The following ARF6 variants were observed in gnomAD, a reference collection of about 807,000 sequenced individuals.
The protein encoded by ARF6 is ARF GTPase 6.
For synonymous variants in ARF6, 127 were observed against 95.5 expected, an observed-to-expected ratio of 1.33 and a Z score of -1.92; for missense variants, 75 against 232.0, an observed-to-expected ratio of 0.32 and a Z score of 4.40.
chr14:49,893,775 A>G lies in ARF6; in HGVS notation c.39A>G (p.Glu13=). The G allele has an allele frequency of 6.2e-7, 1 of 1,614,224 alleles. No individual in the cohort carries two copies. ...KVLSKIFGNK[E]MRILMLGLDA... The stretch of plus-strand genomic sequence containing the variant: ...TATCCAAAATCTTCGGGAACAAGGA[A>G]ATGCGGATCCTCATGTTGGGCCTGG... The change falls in exon 2 of 2, where the codon GAA becomes GAG. Residue 13 remains glutamate (E), a synonymous_variant. Transcript: ENST00000298316.
chr14:49,894,334 C>T lies in ARF6; in HGVS notation c.*70C>T. On this transcript the variant is annotated 3_prime_UTR_variant, in exon 2 of 2. Coordinates refer to ENST00000298316, the MANE Select transcript of ARF6 (RefSeq NM_001663.4). ...CCATTCATAGGATTATCGCCACCAT[C>T]ACCTCTTTCAATTGCCACTTTCTCT... The T allele has an allele frequency of 1.4e-6, 2 of 1,416,826 alleles. No individual in the cohort carries two copies. The highest frequency in any genetic ancestry group is 2.5e-5 in the East Asian group (1 of 40,158). The allele number at this position is 1,416,826 out of a possible 1,614,324, so 87.8% of individuals were successfully genotyped here. A position where few individuals can be genotyped will look rare whatever the true frequency, so the allele number is the denominator to read the frequency against.
At position 49,893,583 on chromosome 14, in the gene ARF6, C is replaced by G. The variant is rs1223461508; in HGVS notation, c.-154C>G. On this transcript the variant is annotated 5_prime_UTR_variant, in exon 2 of 2. Coordinates refer to ENST00000298316, the MANE Select transcript of ARF6 (RefSeq NM_001663.4). ...GGTGATGCCCGAGTGAGCGGGGGGC[C>G]TGGGCCTCTGCCCTTAGGAGGCAAC... is the stretch of plus-strand genomic sequence containing the variant. The G allele has an allele frequency of 7.0e-6, 6 of 859,500 alleles. No homozygotes were observed. Among genetic ancestry groups the G allele is most frequent in the Admixed American group, 5.6e-5 (2 of 35,760 alleles). 53.2% of individuals were successfully genotyped at this position (859,500 alleles called of 1,614,324 possible). A position where few individuals can be genotyped will look rare whatever the true frequency, so the allele number is the denominator to read the frequency against.
chr14:49,894,447 T>G lies in ARF6; in HGVS notation c.*183T>G. The G allele has an allele frequency of 2.0e-6, 1 of 497,548 alleles. No individual in the cohort carries two copies. The highest frequency in any genetic ancestry group is 3.5e-5 in the East Asian group (1 of 28,584). 30.8% of individuals were successfully genotyped at this position (497,548 alleles called of 1,614,324 possible). A position where few individuals can be genotyped will look rare whatever the true frequency, so the allele number is the denominator to read the frequency against. On this transcript the variant is annotated 3_prime_UTR_variant, in exon 2 of 2. Transcript: ENST00000298316. Reference sequence around the variant, plus strand: ...TTTCTCTTTTGTTTGTTTCCCTTTCTTTTTCCTTTTTTTTTTTTTTTTTTT... The same window carrying G: ...TTTCTCTTTTGTTTGTTTCCCTTTCGTTTTCCTTTTTTTTTTTTTTTTTTT...
rs1894516622 is a variant in ARF6 at position 49,895,809 on chromosome 14, A to C, written c.*1545A>C. 6.0e-6 allele frequency: 1 copy of C among 166,710 alleles called. No homozygotes were observed. 10.3% of individuals were successfully genotyped at this position (166,710 alleles called of 1,614,324 possible). A position where few individuals can be genotyped will look rare whatever the true frequency, so the allele number is the denominator to read the frequency against. On this transcript the variant is annotated 3_prime_UTR_variant, in exon 2 of 2. Coordinates refer to ENST00000298316, the MANE Select transcript of ARF6 (RefSeq NM_001663.4). ...ATGATAATATTTTGAACCAAATGTT[A>C]ATGCTTGATGCAGAATTGTAAAGCA... is the stretch of plus-strand genomic sequence containing the variant.
At position 49,894,396 on chromosome 14, in the gene ARF6, G is replaced by C; in HGVS notation, c.*132G>C. ...TGAACTCTGGAGTTACTGTTCTACAGTTTGGCGGGGACGGGGCTTGGGGGT... is the reference window on the plus strand; with the variant it reads ...TGAACTCTGGAGTTACTGTTCTACACTTTGGCGGGGACGGGGCTTGGGGGT... On this transcript the variant is annotated 3_prime_UTR_variant, in exon 2 of 2. Transcript: ENST00000298316. The C allele has an allele frequency of 1.1e-6, 1 of 900,442 alleles. No individual in the cohort carries two copies. The highest frequency in any genetic ancestry group is 1.7e-5 in the African/African-American group (1 of 58,292). 55.8% of individuals were successfully genotyped at this position (900,442 alleles called of 1,614,324 possible). A position where few individuals can be genotyped will look rare whatever the true frequency, so the allele number is the denominator to read the frequency against.
rs1894501865 is a variant in ARF6 at position 49,894,918 on chromosome 14, T to C, written c.*654T>C. On this transcript the variant is annotated 3_prime_UTR_variant, in exon 2 of 2. Coordinates refer to ENST00000298316, the MANE Select transcript of ARF6 (RefSeq NM_001663.4). ...AAATAATGAGTAATATTGTAATATG[T>C]TCCAGTTGCACCTCAGTATGTTAAA... The C allele has an allele frequency of 6.0e-6, 1 of 167,148 alleles. No homozygotes were observed. The highest frequency in any genetic ancestry group is 2.4e-5 in the African/African-American group (1 of 41,446). The allele number at this position is 167,148 out of a possible 1,614,324, so 10.4% of individuals were successfully genotyped here. A position where few individuals can be genotyped will look rare whatever the true frequency, so the allele number is the denominator to read the frequency against.
chr14:49,895,099 A>G lies in ARF6; in HGVS notation c.*835A>G, dbSNP rs888681549. The G allele has an allele frequency of 6.0e-6, 1 of 167,024 alleles. No individual in the cohort carries two copies. Among genetic ancestry groups the G allele is most frequent in the African/African-American group, 2.4e-5 (1 of 41,452 alleles). The allele number at this position is 167,024 out of a possible 1,614,324, so 10.3% of individuals were successfully genotyped here. On this transcript the variant is annotated 3_prime_UTR_variant, in exon 2 of 2. Transcript: ENST00000298316. ...CCCATGAAGGACACTTTTTCTTTCCACTGCAAAGTTAGCCACTTTGCTGTT... is the reference window on the plus strand; with the variant it reads ...CCCATGAAGGACACTTTTTCTTTCCGCTGCAAAGTTAGCCACTTTGCTGTT...
In ARF6 at chr14:49,895,628, A is replaced by G. The variant is rs772174902; in HGVS notation, c.*1364A>G. 3 of 167,000 alleles carry G rather than the reference A, an allele frequency of 1.8e-5. No homozygotes were observed. Among genetic ancestry groups the G allele is most frequent in the Non-Finnish European group, 1.5e-5 (1 of 68,088 alleles). 10.3% of individuals were successfully genotyped at this position (167,000 alleles called of 1,614,324 possible). On this transcript the variant is annotated 3_prime_UTR_variant, in exon 2 of 2. Coordinates refer to ENST00000298316, the MANE Select transcript of ARF6 (RefSeq NM_001663.4). ...TGTGTAGACTTGAGGGATGACTATTAAAGGGGACGTAGGATGAAGAGAAAG... is the reference window on the plus strand; with the variant it reads ...TGTGTAGACTTGAGGGATGACTATTGAAGGGGACGTAGGATGAAGAGAAAG...
Position 49,895,100 on chromosome 14 carries a change from C to T in ARF6, c.*836C>T, listed in dbSNP as rs1894504532. ...CCATGAAGGACACTTTTTCTTTCCA[C>T]TGCAAAGTTAGCCACTTTGCTGTTT... On this transcript the variant is annotated 3_prime_UTR_variant, in exon 2 of 2. Coordinates refer to ENST00000298316, the MANE Select transcript of ARF6 (RefSeq NM_001663.4). 6.0e-6 allele frequency: 1 copy of T among 167,064 alleles called. No homozygotes were observed. The highest frequency in any genetic ancestry group is 2.1e-4 in the South Asian group (1 of 4,828). 10.3% of individuals were successfully genotyped at this position (167,064 alleles called of 1,614,324 possible).
Position 49,893,894 on chromosome 14 carries a change from C to G in ARF6, c.158C>G (p.Thr53Ser). The change falls in exon 2 of 2, where the codon ACT (threonine) becomes AGT (serine). Residue 53 changes from threonine to serine, a missense_variant. Thr to Ser is a moderately conservative substitution (Grantham distance 58). Transcript: ENST00000298316. Reference protein sequence around the residue: ...PTVGFNVETVTYKNVKFNVWD... With the variant: ...PTVGFNVETVSYKNVKFNVWD... The stretch of plus-strand genomic sequence containing the variant: ...GTGGGTTTCAACGTGGAGACGGTGA[C>G]TTACAAAAATGTCAAGTTCAACGTA... The G allele has an allele frequency of 1.2e-6, 2 of 1,614,224 alleles. No homozygotes were observed. The highest frequency in any genetic ancestry group is 1.7e-6 in the Non-Finnish European group (2 of 1,180,042).
chr14:49,896,946 G>T lies in ARF6; in HGVS notation c.*2682G>T, dbSNP rs1365437075. On this transcript the variant is annotated 3_prime_UTR_variant, in exon 2 of 2. Coordinates refer to ENST00000298316, the MANE Select transcript of ARF6 (RefSeq NM_001663.4). ...TTTAATATAAGTAAATGAGTCTGTA[G>T]ACTGTGATCTCCCCAAACTAAAAAG... 6.0e-6 allele frequency: 1 copy of T among 167,054 alleles called. No homozygotes were observed. Among genetic ancestry groups the T allele is most frequent in the African/African-American group, 2.4e-5 (1 of 41,450 alleles). 10.3% of individuals were successfully genotyped at this position (167,054 alleles called of 1,614,324 possible). A position where few individuals can be genotyped will look rare whatever the true frequency, so the allele number is the denominator to read the frequency against.
At position 49,894,311 on chromosome 14, in the gene ARF6, A is replaced by T. The variant is rs1481187549; in HGVS notation, c.*47A>T. The stretch of plus-strand genomic sequence containing the variant: ...CTGGAAGGAGAGAAATCAAAAACCC[A>T]TTCATAGGATTATCGCCACCATCAC... On this transcript the variant is annotated 3_prime_UTR_variant, in exon 2 of 2. Transcript: ENST00000298316. 1 of 1,511,076 alleles carries T rather than the reference A, an allele frequency of 6.6e-7. No homozygotes were observed. Among genetic ancestry groups the T allele is most frequent in the Admixed American group, 2.2e-5 (1 of 45,340 alleles). The allele number at this position is 1,511,076 out of a possible 1,614,324, so 93.6% of individuals were successfully genotyped here.
In ARF6 at chr14:49,896,949, T is replaced by G; in HGVS notation, c.*2685T>G. 6.0e-6 allele frequency: 1 copy of G among 167,084 alleles called. No homozygotes were observed. The highest frequency in any genetic ancestry group is 2.4e-5 in the African/African-American group (1 of 41,468). 10.4% of individuals were successfully genotyped at this position (167,084 alleles called of 1,614,324 possible). The stretch of plus-strand genomic sequence containing the variant: ...AATATAAGTAAATGAGTCTGTAGAC[T>G]GTGATCTCCCCAAACTAAAAAGTAC... On this transcript the variant is annotated 3_prime_UTR_variant, in exon 2 of 2. Coordinates refer to ENST00000298316, the MANE Select transcript of ARF6 (RefSeq NM_001663.4).
At position 49,893,706 on chromosome 14, in the gene ARF6, G is replaced by C; in HGVS notation, c.-31G>C. 6.3e-7 allele frequency: 1 copy of C among 1,599,226 alleles called. No individual in the cohort carries two copies. Among genetic ancestry groups the C allele is most frequent in the South Asian group, 1.1e-5 (1 of 90,276 alleles). The stretch of plus-strand genomic sequence containing the variant: ...TTGGCTGAGGGGACCCGGGACACCT[G>C]AATGCCCCCGGCCCCGGCTCCTCCG... On this transcript the variant is annotated 5_prime_UTR_variant, in exon 2 of 2. Coordinates refer to ENST00000298316, the MANE Select transcript of ARF6 (RefSeq NM_001663.4).
Position 49,895,556 on chromosome 14 carries a change from A to C in ARF6, c.*1292A>C, listed in dbSNP as rs192253781. ...AATAAAAAAGATATCCTGTTGGTTCAATAGTACACTGTCTCCTTTAAGGAA... is the reference window on the plus strand; with the variant it reads ...AATAAAAAAGATATCCTGTTGGTTCCATAGTACACTGTCTCCTTTAAGGAA... On this transcript the variant is annotated 3_prime_UTR_variant, in exon 2 of 2. Transcript: ENST00000298316. The C allele has an allele frequency of 6.0e-6, 1 of 167,094 alleles. No individual in the cohort carries two copies. Among genetic ancestry groups the C allele is most frequent in the Non-Finnish European group, 1.5e-5 (1 of 68,116 alleles). 10.4% of individuals were successfully genotyped at this position (167,094 alleles called of 1,614,324 possible). A position where few individuals can be genotyped will look rare whatever the true frequency, so the allele number is the denominator to read the frequency against.
chr14:49,894,393 A>G lies in ARF6; in HGVS notation c.*129A>G, dbSNP rs1335994719. On this transcript the variant is annotated 3_prime_UTR_variant, in exon 2 of 2. Coordinates refer to ENST00000298316, the MANE Select transcript of ARF6 (RefSeq NM_001663.4). ...ATTTGAACTCTGGAGTTACTGTTCT[A>G]CAGTTTGGCGGGGACGGGGCTTGGG... 4 of 1,025,544 alleles carry G rather than the reference A, an allele frequency of 3.9e-6. No homozygotes were observed. Among genetic ancestry groups the G allele is most frequent in the Non-Finnish European group, 5.6e-6 (4 of 719,568 alleles). 63.5% of individuals were successfully genotyped at this position (1,025,544 alleles called of 1,614,324 possible).
At position 49,893,577 on chromosome 14, in the gene ARF6, G is replaced by T. The variant is rs1288788315; in HGVS notation, c.-160G>T. The T allele has an allele frequency of 1.2e-6, 1 of 804,748 alleles. No individual in the cohort carries two copies. The highest frequency in any genetic ancestry group is 1.7e-5 in the African/African-American group (1 of 57,654). The allele number at this position is 804,748 out of a possible 1,614,324, so 49.9% of individuals were successfully genotyped here. On this transcript the variant is annotated 5_prime_UTR_variant, in exon 2 of 2. Coordinates refer to ENST00000298316, the MANE Select transcript of ARF6 (RefSeq NM_001663.4). ...GCGGTCGGTGATGCCCGAGTGAGCG[G>T]GGGGCCTGGGCCTCTGCCCTTAGGA...
In ARF6 at chr14:49,895,004, G is replaced by A. The variant is rs182367262; in HGVS notation, c.*740G>A. 76 of 167,196 alleles carry A rather than the reference G, an allele frequency of 4.5e-4. No individual in the cohort carries two copies. The highest frequency in any genetic ancestry group is 1.7e-3 in the African/African-American group (70 of 41,576). 10.4% of individuals were successfully genotyped at this position (167,196 alleles called of 1,614,324 possible). On this transcript the variant is annotated 3_prime_UTR_variant, in exon 2 of 2. Coordinates refer to ENST00000298316, the MANE Select transcript of ARF6 (RefSeq NM_001663.4). ...GTAAGTTCTGAAACACATCATGCAT[G>A]AGTAGGAATAAAACCCAAGTTCCCC...
Position 49,894,810 on chromosome 14 carries a change from C to T in ARF6, c.*546C>T, listed in dbSNP as rs1028116000. The T allele has an allele frequency of 1.2e-5, 2 of 167,476 alleles. No homozygotes were observed. Among genetic ancestry groups the T allele is most frequent in the African/African-American group, 4.8e-5 (2 of 41,396 alleles). The allele number at this position is 167,476 out of a possible 1,614,324, so 10.4% of individuals were successfully genotyped here. A position where few individuals can be genotyped will look rare whatever the true frequency, so the allele number is the denominator to read the frequency against. On this transcript the variant is annotated 3_prime_UTR_variant, in exon 2 of 2. Coordinates refer to ENST00000298316, the MANE Select transcript of ARF6 (RefSeq NM_001663.4). ...TTTTATATTTAAGGCCTTCCCCCCC[C>T]TTCCTTATGAGTTCTAACTTAGTAA...
Sources: allele counts gnomAD v4.1 joint callset, GRCh38; gene constraint gnomAD v4.1.1; transcripts MANE v1.5; gene names NCBI Gene and HGNC (gene_info 2026-07-23, HGNC 2026-07-21).